LPP: variants seen among roughly 807,000 people sequenced by gnomAD.
LPP encodes the protein LIM domain containing preferred translocation partner in lipoma.
In LPP, 38 loss-of-function variants were observed where a neutral mutation model predicts 60.4. That is an observed-to-expected ratio of 0.63 (90% confidence interval 0.49 to 0.83). The LOEUF (loss-of-function observed/expected upper bound fraction) is 0.83. Among genes scored for constraint, LPP ranks in the 40% least tolerant of loss-of-function variants. The probability of loss-of-function intolerance (pLI) is 0.00; values close to 1 mark genes in which losing one functional copy is unlikely to be tolerated. For missense variants in LPP, 902 were observed against 783.6 expected (o/e 1.15, Z -1.80); for synonymous variants, 328 against 290.8 (o/e 1.13, Z -1.30).
chr3:188,845,955 T>A (rs1761281074), intron 9 of LPP, among the ~76,000 whole-genome samples: 1 of 152,256 alleles, frequency 6.6e-6, no homozygotes, highest in African/African-American at 2.4e-5. Flanking sequence ...TCCCCTGTGA[T>A]GTCCAGTCTC....
intron 8 of LPP, among the ~76,000 whole-genome samples, chr3:188,750,091 C>CTA (rs1194809670): frequency 2.0e-5 from 3 of 152,186 alleles, no homozygotes; most frequent in Admixed American, 6.5e-5. Context: ...GTGCTTTGTG[C>CTA]TACCTCCTCA....
At chr3:188,260,761 G>A (rs529671208) in intron 2 of LPP, among the ~76,000 whole-genome samples, 15 of 152,202 alleles carry the variant, frequency 9.9e-5, no homozygotes, top group South Asian at 6.2e-4. Context: ...GGCTGGGCGC[G>A]GTGGTTCACG....
intron 2 of LPP, among the ~76,000 whole-genome samples, chr3:188,242,329 C>T (rs1279362329): frequency 6.6e-6 from 1 of 151,488 alleles, no homozygotes; most frequent in East Asian, 1.9e-4. Context: ...TGTGTCTCTG[C>T]TTGATTCTTC....
rs749902032 is a variant in LPP at position 188,609,367 on chromosome 3, G to A, written c.636G>A (p.Thr212=). Residue 212 remains threonine, a synonymous_variant, in exon 7 of 12, where the codon ACG becomes ACA. Coordinates refer to ENST00000617246, the MANE Select transcript of LPP (RefSeq NM_001375462.1). This position sits in a 1 kb window ranked among gnomAD's most constrained non-coding sequence, Gnocchi z 6.9. ...QPQPVPASYT[T]ASTSSRPTFN... ...AGCCAGTCCCAGCCTCCTACACCAC[G>A]GCCTCCACTTCTTCAAGGCCTACCT... is the stretch of plus-strand genomic sequence containing the variant. 3.7e-5 allele frequency: 59 copies of A among 1,613,880 alleles called. No individual in the cohort carries two copies. The Middle Eastern group carries it at 4.9e-4, about 13-fold the overall frequency.
intron 7 of LPP, among the ~76,000 whole-genome samples, chr3:188,621,720 G>T (rs1157967637): frequency 1.3e-5 from 2 of 152,070 alleles, no homozygotes; most frequent in African/African-American, 4.8e-5. Flanking sequence ...GATTGCAGTG[G>T]TGCAGTCTTG....
At chr3:188,752,914 C>T (rs768715288) in intron 8 of LPP, among the ~76,000 whole-genome samples, 53 of 152,202 alleles carry the variant, frequency 3.5e-4, no homozygotes, top group Admixed American at 9.2e-4. Context: ...TGATTCGCCA[C>T]CTGTGGTAGA....
intron 2 of LPP, among the ~76,000 whole-genome samples, chr3:188,259,115 T>C (rs908256127): frequency 3.3e-5 from 5 of 152,186 alleles, no homozygotes; most frequent in Non-Finnish European, 2.9e-5. Flanking sequence ...ATAATTTTAC[T>C]CCAGAACATA....
intron 1 of LPP, among the ~76,000 whole-genome samples, chr3:188,213,961 A>AACACACACACACACACACACAC (rs59389556): frequency 0.011 from 1,409 of 130,362 alleles, 37 homozygotes; most frequent in East Asian, 0.045. Flanking sequence ...TTAGATTTTA[A>AACACACACACACACACACACAC]ACACACACAC....
At chr3:188,359,999 C>T (rs1768792142) in intron 3 of LPP, among the ~76,000 whole-genome samples, 1 of 152,174 alleles carries the variant, frequency 6.6e-6, no homozygotes, top group Non-Finnish European at 1.5e-5. Flanking sequence ...GATAGCTTTT[C>T]AGACCCAGTC....
chr3:188,609,217 G>C lies in LPP; in HGVS notation c.486G>C (p.Lys162Asn), dbSNP rs1304594471. 1.2e-6 allele frequency: 2 copies of C among 1,613,858 alleles called. No individual in the cohort carries two copies. Among genetic ancestry groups the C allele is most frequent in the Non-Finnish European group, 1.7e-6 (2 of 1,179,952 alleles). ...TTTCGACCCCAGTCACAGGACACAA[G>C]AGAATGGTCATCCCGAACCAACCCC... is the stretch of plus-strand genomic sequence containing the variant. ...PPVSTPVTGH[K>N]RMVIPNQPPL... The change falls in exon 7 of 12, where the codon AAG becomes AAC. Residue 162 changes from lysine to asparagine, a missense_variant. By Grantham distance (94) the Lys-to-Asn change is moderately conservative. Coordinates refer to ENST00000617246, the MANE Select transcript of LPP (RefSeq NM_001375462.1). The surrounding 1 kb of genome is among the most constrained non-coding windows in gnomAD (Gnocchi z 6.9).
intron 8 of LPP, among the ~76,000 whole-genome samples, chr3:188,714,762 C>G (rs1357127998): frequency 2.0e-5 from 3 of 152,090 alleles, no homozygotes; most frequent in Non-Finnish European, 4.4e-5. Flanking sequence ...AAGATACAGT[C>G]TCTATACTGT....
chr3:188,793,219 G>C (rs936270287), intron 9 of LPP, among the ~76,000 whole-genome samples: 1 of 125,090 alleles, frequency 8.0e-6, no homozygotes, highest in Non-Finnish European at 1.7e-5. Flanking sequence ...GTCTTGCTTT[G>C]TCTCCCAGCC....
chr3:188,518,764 G>A (rs73054760), intron 5 of LPP, among the ~76,000 whole-genome samples: 7,039 of 152,220 alleles, frequency 0.046, 549 homozygotes, highest in African/African-American at 0.16. Context: ...TCTAATTCTA[G>A]TATATAAACA....
intron 8 of LPP, among the ~76,000 whole-genome samples, chr3:188,721,764 G>A (rs560008370): frequency 2.0e-4 from 31 of 152,148 alleles, no homozygotes; most frequent in African/African-American, 7.5e-4. Flanking sequence ...TCTTGTGAAG[G>A]ATCGTGTTGT....
At chr3:188,345,321 G>A (rs1205941058) in intron 3 of LPP, among the ~76,000 whole-genome samples, 4 of 152,012 alleles carry the variant, frequency 2.6e-5, no homozygotes, top group African/African-American at 4.8e-5. Flanking sequence ...AGAGGGTTCC[G>A]GCTACCTTCT....
At chr3:188,267,046 C>A (rs1457312766) in intron 2 of LPP, among the ~76,000 whole-genome samples, 1 of 152,154 alleles carries the variant, frequency 6.6e-6, no homozygotes, top group Non-Finnish European at 1.5e-5. Flanking sequence ...TTTTCTGCTT[C>A]CAAGTCCCTC....
intron 4 of LPP, among the ~76,000 whole-genome samples, chr3:188,427,669 G>A (rs1220885557): frequency 6.6e-6 from 1 of 152,112 alleles, no homozygotes; most frequent in Admixed American, 6.5e-5. Context: ...ACTGTGGTGG[G>A]CTTTGTCCTG....
intron 6 of LPP, chr3:188,568,218 A>G (rs779217458): frequency 6.6e-6 from 1 of 152,028 alleles, no homozygotes; most frequent in Non-Finnish European, 1.5e-5. Context: ...TTCAGTAAAC[A>G]TTATTGAGCA....
At chr3:188,318,811 T>G (rs965142987) in intron 2 of LPP, among the ~76,000 whole-genome samples, 3 of 136,854 alleles carry the variant, frequency 2.2e-5, no homozygotes, top group Non-Finnish European at 3.0e-5. Context: ...CAGGCTGGAG[T>G]GCAGTGGCGC....
Sources: allele counts gnomAD v4.1 joint callset (sites outside exome capture counted in the v4.1 genomes callset), GRCh38; gene constraint gnomAD v4.1.1; non-coding constraint Gnocchi (gnomAD v3.1); transcripts MANE v1.5; gene names NCBI Gene and HGNC (gene_info 2026-07-23, HGNC 2026-07-21).